Variants in MIR2052HG observed in about 807,000 individuals in gnomAD.
MIR2052HG encodes MIR2052 host gene.
At chr8:74,628,725 G>A (rs1227996459) in intron 2 of MIR2052HG, 2 of 152,120 alleles carry the variant, frequency 1.3e-5, no homozygotes, top group East Asian at 3.9e-4. Flanking sequence ...GGATAAAGAA[G>A]GTGCTTAATA....
At chr8:74,606,386 T>C (rs1205209738) in intron 1 of MIR2052HG, among the ~76,000 whole-genome samples, 1 of 151,952 alleles carries the variant, frequency 6.6e-6, no homozygotes. Flanking sequence ...GTGATTAAAG[T>C]AAAGGGAGAG....
At chr8:74,718,623 A>T (rs992328703) in intron 4 of MIR2052HG, among the ~76,000 whole-genome samples, 2 of 152,208 alleles carry the variant, frequency 1.3e-5, no homozygotes, top group African/African-American at 2.4e-5. Flanking sequence ...AAGCTGGGAA[A>T]TTGTGTTAGT....
intron 2 of MIR2052HG, among the ~76,000 whole-genome samples, chr8:74,637,180 T>C (rs1808590480): frequency 6.6e-6 from 1 of 152,076 alleles, no homozygotes. Flanking sequence ...TAGGAAGATG[T>C]GAAGGATCTG....
intron 1 of MIR2052HG, among the ~76,000 whole-genome samples, chr8:74,607,640 C>A (rs1214333732): frequency 6.6e-6 from 1 of 152,026 alleles, no homozygotes; most frequent in Non-Finnish European, 1.5e-5. Flanking sequence ...AAAACCAGAA[C>A]TGATAGAACA....
chr8:74,738,075 G>A (rs376671315), intron 4 of MIR2052HG, among the ~76,000 whole-genome samples: 186 of 152,044 alleles, frequency 1.2e-3, no homozygotes, highest in South Asian at 2.1e-3. Context: ...ATGTATGTAT[G>A]TATGATCTAT....
chr8:74,664,622 A>C (rs2128737340), intron 2 of MIR2052HG, among the ~76,000 whole-genome samples: 1 of 152,108 alleles, frequency 6.6e-6, no homozygotes, highest in Middle Eastern at 3.4e-3. Flanking sequence ...GGTTCAAGCG[A>C]TTCTCCTGCC....
intron 1 of MIR2052HG, among the ~76,000 whole-genome samples, chr8:74,606,325 G>C (rs112271672): frequency 0.024 from 3,701 of 152,198 alleles, 134 homozygotes; most frequent in African/African-American, 0.08. Flanking sequence ...GATGGAGTCT[G>C]TCTGGCTCTC....
chr8:74,737,033 C>G (rs1809773176), intron 4 of MIR2052HG, among the ~76,000 whole-genome samples: 1 of 152,188 alleles, frequency 6.6e-6, no homozygotes, highest in South Asian at 2.1e-4. Flanking sequence ...GAGGCTACTC[C>G]CTTTGCAAAT....
At chr8:74,752,772 A>G (rs1264783625) in intron 5 of MIR2052HG, among the ~76,000 whole-genome samples, 1 of 152,196 alleles carries the variant, frequency 6.6e-6, no homozygotes, top group African/African-American at 2.4e-5. Flanking sequence ...TCAATGATTA[A>G]TTTTTCCCTT....
chr8:74,643,170 C>T (rs1808657390), intron 2 of MIR2052HG, among the ~76,000 whole-genome samples: 1 of 152,184 alleles, frequency 6.6e-6, no homozygotes, highest in Non-Finnish European at 1.5e-5. Context: ...ATAATCTGCT[C>T]ACTCCCAACC....
At chr8:74,605,871 G>C (rs566591645) in intron 1 of MIR2052HG, among the ~76,000 whole-genome samples, 1 of 152,152 alleles carries the variant, frequency 6.6e-6, no homozygotes, top group Non-Finnish European at 1.5e-5. Flanking sequence ...TAGTATCAAT[G>C]TATTATTGTT....
At chr8:74,600,943 A>T (rs937208208) in intron 1 of MIR2052HG, among the ~76,000 whole-genome samples, 1 of 152,214 alleles carries the variant, frequency 6.6e-6, no homozygotes, top group South Asian at 2.1e-4. Context: ...CATAGGTCTT[A>T]CTGGCCCTAA....
chr8:74,695,631 A>G (rs1245018498), intron 2 of MIR2052HG, among the ~76,000 whole-genome samples: 9 of 152,150 alleles, frequency 5.9e-5, no homozygotes, highest in Admixed American at 5.9e-4. Context: ...TTCCATGCAA[A>G]TGGACACCAA....
chr8:74,689,084 TG>T (rs1809213171), intron 2 of MIR2052HG, among the ~76,000 whole-genome samples: 1 of 152,226 alleles, frequency 6.6e-6, no homozygotes, highest in African/African-American at 2.4e-5. Context: ...ATTTTTTGGC[TG>T]GTTGTTTTGT....
In MIR2052HG at chr8:74,739,919, T is replaced by C. The variant is rs117796919; in HGVS notation, n.372-12522T>C. ...AGTATGAGATCAGCAGGTTGGCAGA[T>C]GGCTATACACTATTTCTAATGTTTA... is the stretch of plus-strand genomic sequence containing the variant. On this transcript the variant is annotated intron_variant and non_coding_transcript_variant, in intron 4 of 6. Coordinates refer to ENST00000523442, the Ensembl canonical transcript of MIR2052HG. 9.2e-3 allele frequency among the ~76,000 whole-genome samples: 1,404 copies of C among 152,312 alleles called. 12 individuals carry two copies. Among genetic ancestry groups the C allele is most frequent in the Admixed American group, 0.014 (211 of 15,284 alleles).
chr8:74,754,402 T>C (rs568009750), intron 5 of MIR2052HG, among the ~76,000 whole-genome samples: 48 of 152,258 alleles, frequency 3.2e-4, no homozygotes, highest in African/African-American at 1.1e-3. Flanking sequence ...TTAGGCACAT[T>C]TGGTGGCCAG....
At chr8:74,719,849 CTTTTTTT>C (rs10647233) in intron 4 of MIR2052HG, among the ~76,000 whole-genome samples, 5 of 106,740 alleles carry the variant, frequency 4.7e-5, no homozygotes, top group Admixed American at 1.2e-4. Flanking sequence ...TTTCTTTTTT[CTTTTTTT>C]TTTTTTTTTT....
At chr8:74,600,965 T>C (rs1392491977) in intron 1 of MIR2052HG, among the ~76,000 whole-genome samples, 1 of 152,214 alleles carries the variant, frequency 6.6e-6, no homozygotes, top group Non-Finnish European at 1.5e-5. Context: ...CCTGTGTTCT[T>C]TCCACAATAT....
rs1328318623 is a variant in MIR2052HG, at chr8:74,697,046, A to G, written n.217-5333A>G. 2.6e-5 allele frequency among the ~76,000 whole-genome samples: 4 copies of G among 152,136 alleles called. No homozygotes were observed. The East Asian group carries it at 7.7e-4, about 29-fold the overall frequency. ...ACAGAAAAGAAAACTACAGACTAAT[A>G]TCCCTGATGAACATACATACAAGAA... On this transcript the variant is annotated intron_variant and non_coding_transcript_variant, in intron 2 of 6. Coordinates refer to ENST00000523442, the Ensembl canonical transcript of MIR2052HG.
Sources: allele counts gnomAD v4.1 joint callset (sites outside exome capture counted in the v4.1 genomes callset), GRCh38; gene constraint gnomAD v4.1.1; transcripts MANE v1.5; gene names NCBI Gene and HGNC (gene_info 2026-07-23, HGNC 2026-07-21).